Variants in PLEKHM3 observed in about 807,000 individuals in gnomAD.
PLEKHM3 encodes pleckstrin homology domain containing M3.
In PLEKHM3, 45 loss-of-function variants were observed where a neutral mutation model predicts 81.8. The ratio of observed to expected loss-of-function variants is 0.55; its 90% confidence interval spans 0.43 to 0.71. The LOEUF (loss-of-function observed/expected upper bound fraction) is 0.71. Among genes scored for constraint, PLEKHM3 ranks in the 30% least tolerant of loss-of-function variants. PLEKHM3 has a pLI of 0.00. For missense variants in PLEKHM3, 788 were observed against 924.3 expected (o/e 0.85, Z 1.91); for synonymous variants, 352 against 356.4 (o/e 0.99, Z 0.14).
At chr2:207,859,051 T>C (rs1013875428) in intron 7 of PLEKHM3, among the ~76,000 whole-genome samples, 2 of 152,120 alleles carry the variant, frequency 1.3e-5, no homozygotes, top group African/African-American at 2.4e-5. Flanking sequence ...TCATGTAATA[T>C]GTGCTTTGTG....
At chr2:207,845,514 C>T (rs1288530631) in intron 7 of PLEKHM3, among the ~76,000 whole-genome samples, 1 of 152,182 alleles carries the variant, frequency 6.6e-6, no homozygotes, top group Admixed American at 6.5e-5. Flanking sequence ...AGTAGCTTAG[C>T]AAAGCTCACA....
At chr2:207,927,120 T>C (rs1559240910) in intron 5 of PLEKHM3, among the ~76,000 whole-genome samples, 1 of 152,122 alleles carries the variant, frequency 6.6e-6, no homozygotes, top group Non-Finnish European at 1.5e-5. Flanking sequence ...TTGTTCCCCA[T>C]CAACTCCTCC....
chr2:207,880,955 G>A (rs908634306), intron 6 of PLEKHM3, among the ~76,000 whole-genome samples: 7 of 151,068 alleles, frequency 4.6e-5, no homozygotes, highest in Non-Finnish European at 1.5e-5. Flanking sequence ...TGCTTATACT[G>A]TTGATGGGTA....
Position 207,865,801 on chromosome 2 carries a change from A to AAAAAAAAAATATATATATATAT in PLEKHM3, c.1951-4540_1951-4539insATATATATATATATTTTTTTTT. On this transcript the variant is annotated intron_variant, in intron 6 of 7. Coordinates refer to ENST00000427836, the MANE Select transcript of PLEKHM3 (RefSeq NM_001080475.3). ...CGACTCAAAAAAAAAAAAAAAAAAA[A>AAAAAAAAAATATATATATATAT]AGATATATATATATATATATATATA... 2.0e-4 allele frequency among the ~76,000 whole-genome samples: 5 copies of AAAAAAAAAATATATATATATAT among 25,288 alleles called. 1 individual carries two copies. Among genetic ancestry groups the AAAAAAAAAATATATATATATAT allele is most frequent in the East Asian group, 1.1e-3 (1 of 902 alleles). 16.6% of individuals were successfully genotyped at this position (25,288 alleles called of 152,430 possible).
At chr2:207,846,302 C>T (rs983561973) in intron 7 of PLEKHM3, among the ~76,000 whole-genome samples, 1 of 151,830 alleles carries the variant, frequency 6.6e-6, no homozygotes, top group Non-Finnish European at 1.5e-5. Context: ...CCACCACACC[C>T]GGCTAATTTT....
chr2:208,004,848 G>A (rs987290735), intron 1 of PLEKHM3, among the ~76,000 whole-genome samples: 1 of 151,804 alleles, frequency 6.6e-6, no homozygotes, highest in Non-Finnish European at 1.5e-5. Flanking sequence ...TTTTCAAGAC[G>A]GAGTTTTGCT....
At chr2:207,867,223 A>G (rs1321804224) in intron 6 of PLEKHM3, among the ~76,000 whole-genome samples, 2 of 152,214 alleles carry the variant, frequency 1.3e-5, no homozygotes, top group African/African-American at 4.8e-5. Flanking sequence ...TAAAGAGTGC[A>G]TGGCCTCTGT....
chr2:207,981,195 A>G (rs968660762), intron 2 of PLEKHM3, among the ~76,000 whole-genome samples: 1 of 151,956 alleles, frequency 6.6e-6, no homozygotes, highest in Non-Finnish European at 1.5e-5. Flanking sequence ...TCAGGAAGCT[A>G]TTTTCTGGAG....
At chr2:207,947,165 G>A (rs1466097823) in intron 3 of PLEKHM3, among the ~76,000 whole-genome samples, 2 of 152,134 alleles carry the variant, frequency 1.3e-5, no homozygotes, top group African/African-American at 2.4e-5. Context: ...CAATGGGAAC[G>A]TAATCACTTT....
Position 207,931,135 on chromosome 2 carries a change from C to A in PLEKHM3, c.1693-16G>T. 3.8e-6 allele frequency: 6 copies of A among 1,594,670 alleles called. No homozygotes were observed. The highest frequency in any genetic ancestry group is 5.1e-6 in the Non-Finnish European group (6 of 1,167,180). Reference sequence around the variant, plus strand: ...GCTTCGACACCTACAAAACAAGCGTCGTCAGTCAGTCCTGGAGAAGCACCT... The same window carrying A: ...GCTTCGACACCTACAAAACAAGCGTAGTCAGTCAGTCCTGGAGAAGCACCT... On this transcript the variant is annotated splice_polypyrimidine_tract_variant and intron_variant, in intron 4 of 7. Transcript: ENST00000427836.
chr2:208,011,064 CA>C (rs10587149), intron 1 of PLEKHM3, among the ~76,000 whole-genome samples: 4,005 of 64,994 alleles, frequency 0.062, 116 homozygotes, highest in African/African-American at 0.14. Context: ...TGGCCATAAT[CA>C]AAAAAAAAAA....
intron 7 of PLEKHM3, among the ~76,000 whole-genome samples, chr2:207,840,363 A>T (rs1265554197): frequency 1.3e-5 from 2 of 152,012 alleles, no homozygotes; most frequent in Non-Finnish European, 2.9e-5. Flanking sequence ...GCTAATTAAA[A>T]AAACCATTGT....
At chr2:207,982,952 A>C (rs1691586772) in intron 2 of PLEKHM3, among the ~76,000 whole-genome samples, 1 of 152,136 alleles carries the variant, frequency 6.6e-6, no homozygotes, top group South Asian at 2.1e-4. Flanking sequence ...CATATAACAT[A>C]CAAAATATGT....
rs1467725744 is a variant in PLEKHM3 at position 207,825,759 on chromosome 2, G to C, written c.*2560C>G. Reference sequence around the variant, plus strand: ...GTGGTACGAAAAGGAGAGGAAACAGGAGTGCTGGACATGGACCCAGCTCTG... The same window carrying C: ...GTGGTACGAAAAGGAGAGGAAACAGCAGTGCTGGACATGGACCCAGCTCTG... On this transcript the variant is annotated 3_prime_UTR_variant, in exon 8 of 8. Coordinates refer to ENST00000427836, the MANE Select transcript of PLEKHM3 (RefSeq NM_001080475.3). The C allele has an allele frequency of 6.6e-6, 1 of 152,226 alleles. No individual in the cohort carries two copies. Among genetic ancestry groups the C allele is most frequent in the East Asian group, 1.9e-4 (1 of 5,198 alleles). 9.4% of individuals were successfully genotyped at this position (152,226 alleles called of 1,614,324 possible).
chr2:207,822,349 T>A lies in PLEKHM3; in HGVS notation c.*5970A>T, dbSNP rs184989496. The A allele has an allele frequency of 1.3e-5, 2 of 152,818 alleles. No homozygotes were observed. The highest frequency in any genetic ancestry group is 1.3e-4 in the Admixed American group (2 of 15,302). 9.5% of individuals were successfully genotyped at this position (152,818 alleles called of 1,614,324 possible). On this transcript the variant is annotated 3_prime_UTR_variant, in exon 8 of 8. Coordinates refer to ENST00000427836, the MANE Select transcript of PLEKHM3 (RefSeq NM_001080475.3). ...AAGAAAATCCTTGTGTTTGTGTAAT[T>A]TTGAACCTGAAAAGGCTAAGTTCAC... is the stretch of plus-strand genomic sequence containing the variant.
intron 1 of PLEKHM3, among the ~76,000 whole-genome samples, chr2:208,011,680 T>C (rs1009139114): frequency 1.3e-5 from 2 of 151,796 alleles, no homozygotes; most frequent in African/African-American, 2.4e-5. Context: ...TGGGGGATGG[T>C]TGCACCAAAA....
chr2:208,002,000 G>C lies in PLEKHM3; in HGVS notation c.-318-43C>G, dbSNP rs73064899. On this transcript the variant is annotated intron_variant, in intron 1 of 7. Coordinates refer to ENST00000427836, the MANE Select transcript of PLEKHM3 (RefSeq NM_001080475.3). ...GGATAACATTGGCACATGGTTCATTGTATTCTACAGTACACAAGTCTGCCG... is the reference window on the plus strand; with the variant it reads ...GGATAACATTGGCACATGGTTCATTCTATTCTACAGTACACAAGTCTGCCG... The C allele has an allele frequency of 9.0e-3, 2,314 of 256,912 alleles. 52 individuals carry two copies. The highest frequency in any genetic ancestry group is 0.048 in the African/African-American group (2,143 of 44,866). 15.9% of individuals were successfully genotyped at this position (256,912 alleles called of 1,614,324 possible).
chr2:208,000,596 A>C (rs1327181791), intron 2 of PLEKHM3, among the ~76,000 whole-genome samples: 1 of 152,214 alleles, frequency 6.6e-6, no homozygotes, highest in Admixed American at 6.6e-5. Flanking sequence ...TCTTTAGGGC[A>C]GGGATTGTGT....
At chr2:207,922,968 TC>T (rs1247584477) in intron 5 of PLEKHM3, among the ~76,000 whole-genome samples, 1 of 152,104 alleles carries the variant, frequency 6.6e-6, no homozygotes, top group Non-Finnish European at 1.5e-5. Flanking sequence ...CCAAGTCAAG[TC>T]GAGTCAAGAG....
Sources: allele counts gnomAD v4.1 joint callset (sites outside exome capture counted in the v4.1 genomes callset), GRCh38; gene constraint gnomAD v4.1.1; transcripts MANE v1.5; gene names NCBI Gene and HGNC (gene_info 2026-07-23, HGNC 2026-07-21).